Variants in RBPMS observed in about 807,000 individuals in gnomAD.
The protein encoded by RBPMS is RNA binding protein, mRNA processing factor.
In RBPMS, 7 loss-of-function variants were observed where a neutral mutation model predicts 26.8. The observed-to-expected ratio is 0.26, with a 90% CI of 0.15 to 0.49. The LOEUF is 0.49. Ranked by LOEUF, RBPMS falls within the 20% of genes least tolerant of loss-of-function variation. The pLI, the probability that RBPMS is intolerant of heterozygous loss-of-function variation, is 0.98. For synonymous variants in RBPMS, 96 were observed against 93.3 expected (o/e 1.03, Z -0.17); for missense variants, 186 against 250.0 (o/e 0.74, Z 1.73).
intron 5 of RBPMS, among the ~76,000 whole-genome samples, chr8:30,505,988 A>C (rs920797618): frequency 6.6e-6 from 1 of 152,186 alleles, no homozygotes; most frequent in Non-Finnish European, 1.5e-5. Context: ...CAGGAAATGT[A>C]ATGCTGGTGA....
At chr8:30,519,795 ATC>A (rs1822841665) in intron 5 of RBPMS, among the ~76,000 whole-genome samples, 1 of 151,918 alleles carries the variant, frequency 6.6e-6, no homozygotes, top group Non-Finnish European at 1.5e-5. Flanking sequence ...GCCTGGCCGG[ATC>A]TCTCTTTTTT....
At chr8:30,418,057 A>C (rs766508405) in intron 1 of RBPMS, among the ~76,000 whole-genome samples, 131 of 152,194 alleles carry the variant, frequency 8.6e-4, no homozygotes, top group Non-Finnish European at 7.6e-4. Context: ...ACCATATGTC[A>C]TTTATAATAT....
chr8:30,408,918 C>A (rs1166173373), intron 1 of RBPMS, among the ~76,000 whole-genome samples: 1 of 152,174 alleles, frequency 6.6e-6, no homozygotes, highest in Admixed American at 6.5e-5. Flanking sequence ...ATGGATTAGC[C>A]TGTTTCAGAC....
chr8:30,412,070 A>G (rs373090893), intron 1 of RBPMS, among the ~76,000 whole-genome samples: 9 of 152,046 alleles, frequency 5.9e-5, no homozygotes, highest in African/African-American at 2.2e-4. Context: ...GTGTTTGTTC[A>G]GTTACTGACA....
chr8:30,434,509 GC>G (rs1384704838), intron 1 of RBPMS, among the ~76,000 whole-genome samples: 30 of 152,112 alleles, frequency 2.0e-4, no homozygotes, highest in African/African-American at 6.3e-4. Context: ...TTCGAGACCA[GC>G]CTGGCCAAAG....
rs1269214792 is a variant in RBPMS at position 30,389,196 on chromosome 8, A to G, written c.66+4038A>G. ...AAGTTCAATCCAATGCAATAAACATATATTTCAGTTGTAGAATAGGATTTG... is the reference window on the plus strand; with the variant it reads ...AAGTTCAATCCAATGCAATAAACATGTATTTCAGTTGTAGAATAGGATTTG... On this transcript the variant is annotated intron_variant, in intron 1 of 8. Coordinates refer to ENST00000397323, the MANE Select transcript of RBPMS (RefSeq NM_001008710.3). Among the ~76,000 whole-genome samples the G allele has an allele frequency of 2.0e-5, 3 of 152,224 alleles. No individual in the cohort carries two copies. In the East Asian group the frequency reaches 5.8e-4, roughly 29 times the overall value.
At chr8:30,387,989 G>A (rs1807310447) in intron 1 of RBPMS, among the ~76,000 whole-genome samples, 1 of 152,134 alleles carries the variant, frequency 6.6e-6, no homozygotes, top group Non-Finnish European at 1.5e-5. Flanking sequence ...ACTTTGGATA[G>A]CATTGAAAAC....
intron 1 of RBPMS, among the ~76,000 whole-genome samples, chr8:30,427,301 T>C (rs1026646245): frequency 2.6e-5 from 4 of 152,212 alleles, no homozygotes; most frequent in African/African-American, 9.6e-5. Context: ...TATTGGCCAT[T>C]CTTAGCCAAA....
chr8:30,556,343 TGCACGC>T, intron 6 of RBPMS: 2 of 985,606 alleles, frequency 2.0e-6, no homozygotes, highest in Non-Finnish European at 2.4e-6. Context: ...GAAGACGGGC[TGCACGC>T]TCGTCCCCAA....
At chr8:30,437,958 C>CA (rs548974873) in intron 1 of RBPMS, among the ~76,000 whole-genome samples, 3 of 148,208 alleles carry the variant, frequency 2.0e-5, no homozygotes, top group Non-Finnish European at 4.5e-5. Flanking sequence ...GACTCCGTCT[C>CA]AAAAAAAGAA....
chr8:30,436,054 A>G (rs1344357617), intron 1 of RBPMS, among the ~76,000 whole-genome samples: 1 of 152,356 alleles, frequency 6.6e-6, no homozygotes, highest in Non-Finnish European at 1.5e-5. Context: ...GGAGACAACA[A>G]CAATTTTTCT....
At chr8:30,392,177 G>T (rs1807862701) in intron 1 of RBPMS, among the ~76,000 whole-genome samples, 1 of 152,122 alleles carries the variant, frequency 6.6e-6, no homozygotes. Flanking sequence ...AGCCAAACCT[G>T]CAAGGAAGGG....
At position 30,537,531 on chromosome 8, in the gene RBPMS, GACATAGAGAATATGTCTTT is replaced by G. The variant is rs540051644; in HGVS notation, c.398-6942_398-6924del. On this transcript the variant is annotated intron_variant, in intron 5 of 8. Coordinates refer to ENST00000397323, the MANE Select transcript of RBPMS (RefSeq NM_001008710.3). ...TAGAAGTAGGGATGGGAATGAGAAA[GACATAGAGAATATGTCTTT>G]ACATAGAGAATATGTCTTTATCATC... 1.8e-3 allele frequency: 808 copies of G among 456,194 alleles called. 7 individuals carry two copies. Among genetic ancestry groups the G allele is most frequent in the South Asian group, 6.2e-3 (399 of 64,554 alleles). The allele number at this position is 456,194 out of a possible 1,614,324, so 28.3% of individuals were successfully genotyped here.
chr8:30,417,538 T>C (rs942990508), intron 1 of RBPMS, among the ~76,000 whole-genome samples: 1 of 152,236 alleles, frequency 6.6e-6, no homozygotes, highest in African/African-American at 2.4e-5. Context: ...TTTTTAAACA[T>C]GTAAAAGTAT....
At chr8:30,555,914 A>C (rs1826853637) in intron 6 of RBPMS, 1 of 984,332 alleles carries the variant, frequency 1.0e-6, no homozygotes. Flanking sequence ...GTTCCCCCCC[A>C]CCGGGCCGGC....
chr8:30,448,388 A>G (rs1814130909), intron 1 of RBPMS, among the ~76,000 whole-genome samples: 2 of 152,050 alleles, frequency 1.3e-5, no homozygotes, highest in Non-Finnish European at 2.9e-5. Context: ...ATGTGTTCTT[A>G]TTGCTCTTCC....
chr8:30,456,543 C>G (rs1018945997), intron 1 of RBPMS, among the ~76,000 whole-genome samples: 10 of 151,998 alleles, frequency 6.6e-5, no homozygotes, highest in African/African-American at 2.4e-4. Flanking sequence ...CATACATATA[C>G]AGTCTTTTAA....
chr8:30,532,685 T>C (rs1824361202), intron 5 of RBPMS, among the ~76,000 whole-genome samples: 1 of 152,152 alleles, frequency 6.6e-6, no homozygotes, highest in Non-Finnish European at 1.5e-5. Flanking sequence ...ATAATACTGA[T>C]ACGAGGAAGT....
At chr8:30,388,573 G>A (rs1807400213) in intron 1 of RBPMS, among the ~76,000 whole-genome samples, 1 of 127,226 alleles carries the variant, frequency 7.9e-6, no homozygotes, top group Middle Eastern at 6.5e-3. Flanking sequence ...TATAGCTATA[G>A]CTATAAGCTA....
Sources: gnomAD v4.1 joint callset for allele counts (sites outside exome capture counted in the v4.1 genomes callset) on GRCh38, gnomAD v4.1.1 for gene constraint, MANE v1.5 for transcripts, NCBI Gene and HGNC (gene_info 2026-07-23, HGNC 2026-07-21) for gene names.